SLC25A48: variants seen among roughly 807,000 people sequenced by gnomAD.
The protein encoded by SLC25A48 is CTC-321K16.1.
Under a neutral mutation model 32.2 loss-of-function variants are expected in SLC25A48, and 29 were observed. The ratio of observed to expected loss-of-function variants is 0.90; its 90% confidence interval spans 0.67 to 1.23. The LOEUF is 1.23. SLC25A48 is among the 50% of genes most tolerant of loss of function. The pLI, the probability that SLC25A48 is intolerant of heterozygous loss-of-function variation, is 0.00. For synonymous variants in SLC25A48, 164 were observed against 172.3 expected, an observed-to-expected ratio of 0.95 and a Z score of 0.38; for missense variants, 399 against 422.7, an observed-to-expected ratio of 0.94 and a Z score of 0.49.
At chr5:135,829,830 G>T (rs1300461518), upstream of SLC25A48, among the ~76,000 whole-genome samples, 5 of 152,018 alleles carry the variant, frequency 3.3e-5, no homozygotes, top group African/African-American at 1.2e-4. Context: ...ACTGACTGCT[G>T]TGTGGCTTTA....
intron 3 of SLC25A48, among the ~76,000 whole-genome samples, chr5:135,681,539 C>T (rs576857356): frequency 9.2e-5 from 14 of 152,166 alleles, no homozygotes; most frequent in African/African-American, 3.1e-4. Flanking sequence ...TGTATTATTT[C>T]TGTGTGTTTC....
intron 3 of SLC25A48, among the ~76,000 whole-genome samples, chr5:135,689,190 C>T (rs1754087628): frequency 1.3e-5 from 2 of 152,202 alleles, no homozygotes; most frequent in South Asian, 4.1e-4. Context: ...CAGCAAGGAA[C>T]TGGGTGCCTC....
chr5:135,787,575 G>A (rs1312349746), intron 3 of SLC25A48, among the ~76,000 whole-genome samples: 4 of 152,002 alleles, frequency 2.6e-5, no homozygotes, highest in Non-Finnish European at 5.9e-5. Flanking sequence ...TGTACACCCT[G>A]TAATATTAAT....
Position 135,779,172 on chromosome 5 carries a change from T to G in SLC25A48, c.-520-33351T>G, listed in dbSNP as rs1756656637. Reference sequence around the variant, plus strand: ...CCCCTCTGTGATATTGTTCCTAATATCCAGAGCATGAGAGGATGATATTAC... The same window carrying G: ...CCCCTCTGTGATATTGTTCCTAATAGCCAGAGCATGAGAGGATGATATTAC... On this transcript the variant is annotated intron_variant, in intron 3 of 10. Transcript: ENST00000646290. Among the ~76,000 whole-genome samples the G allele has an allele frequency of 4.6e-5, 7 of 151,958 alleles. No homozygotes were observed. The South Asian group carries it at 1.5e-3, about 32-fold the overall frequency.
chr5:135,703,874 C>T (rs17168925), intron 3 of SLC25A48, among the ~76,000 whole-genome samples: 3,690 of 152,302 alleles, frequency 0.024, 152 homozygotes, highest in African/African-American at 0.083. Context: ...CCTTTTTCTG[C>T]GTACTGTGCC....
At chr5:135,871,893 A>C (rs758834748) in intron 5 of SLC25A48, 175 bp downstream of exon 5, 1 of 1,493,758 alleles carries the variant, frequency 6.7e-7, no homozygotes, top group South Asian at 1.4e-5. Context: ...CCTCAGTCTC[A>C]TCCCTTCCCT....
At chr5:135,823,318 G>A (rs35798467) in intron 4 of SLC25A48, among the ~76,000 whole-genome samples, 20,511 of 152,204 alleles carry the variant, frequency 0.13, 1,719 homozygotes, top group East Asian at 0.43. Flanking sequence ...GTCAATGTGG[G>A]AATGAGCTGG....
chr5:135,669,502 C>T (rs952284852), intron 3 of SLC25A48, among the ~76,000 whole-genome samples: 2 of 152,096 alleles, frequency 1.3e-5, no homozygotes, highest in African/African-American at 2.4e-5. Context: ...CTGTGGGCAA[C>T]GGGATGTCAC....
intron 3 of SLC25A48, among the ~76,000 whole-genome samples, chr5:135,777,743 G>A (rs922509805): frequency 2.0e-5 from 3 of 148,374 alleles, no homozygotes; most frequent in African/African-American, 7.5e-5. Context: ...TCCCAATACC[G>A]AATGATGTGT....
intron 3 of SLC25A48, among the ~76,000 whole-genome samples, chr5:135,761,357 G>A (rs1395946986): frequency 6.6e-6 from 1 of 152,026 alleles, no homozygotes; most frequent in East Asian, 1.9e-4. Context: ...TGTAAAGGAC[G>A]AGTTAATGGG....
chr5:135,877,617 C>T (rs1317728095), intron 6 of SLC25A48, among the ~76,000 whole-genome samples: 2 of 152,180 alleles, frequency 1.3e-5, no homozygotes, highest in Non-Finnish European at 2.9e-5. Flanking sequence ...CTGGGCGAAG[C>T]GCTCGCAGGT....
intron 4 of SLC25A48, among the ~76,000 whole-genome samples, chr5:135,867,324 G>C (rs1761282471): frequency 6.6e-6 from 1 of 152,138 alleles, no homozygotes; most frequent in Non-Finnish European, 1.5e-5. Flanking sequence ...CAAAGGACTT[G>C]CAAGTCCAGA....
chr5:135,829,613 G>T (rs1403569160), intron 4 of SLC25A48, among the ~76,000 whole-genome samples: 1 of 150,180 alleles, frequency 6.7e-6, no homozygotes, highest in Admixed American at 6.7e-5. Context: ...CTATGAATAT[G>T]GCACAGTTGG....
chr5:135,639,517 G>T (rs1752784443), intron 3 of SLC25A48, among the ~76,000 whole-genome samples: 1 of 152,208 alleles, frequency 6.6e-6, no homozygotes, highest in African/African-American at 2.4e-5. Context: ...TGCAGTGTTT[G>T]TGTATAGGCG....
At chr5:135,655,230 T>C (rs1461938914) in intron 3 of SLC25A48, among the ~76,000 whole-genome samples, 1 of 152,198 alleles carries the variant, frequency 6.6e-6, no homozygotes, top group Non-Finnish European at 1.5e-5. Flanking sequence ...GAGTGCTTGC[T>C]GCAGGTGAGA....
intron 3 of SLC25A48, among the ~76,000 whole-genome samples, chr5:135,757,487 A>G (rs1346079488): frequency 6.8e-6 from 1 of 147,570 alleles, no homozygotes; most frequent in African/African-American, 2.5e-5. Flanking sequence ...ATAAAATATC[A>G]TCTATATGAT....
intron 3 of SLC25A48, among the ~76,000 whole-genome samples, chr5:135,775,252 C>T (rs1470328545): frequency 1.3e-5 from 2 of 151,618 alleles, no homozygotes; most frequent in Non-Finnish European, 2.9e-5. Context: ...GATATTACTC[C>T]CAATATCGCA....
intron 4 of SLC25A48, chr5:135,824,531 C>A (rs1007287600): frequency 6.6e-6 from 1 of 152,312 alleles, no homozygotes; most frequent in Admixed American, 6.5e-5. Context: ...CCCTAAGCTC[C>A]CTCCACCTTT....
chr5:135,832,820 G>A (rs1758256726), upstream of SLC25A48, among the ~76,000 whole-genome samples: 1 of 152,198 alleles, frequency 6.6e-6, no homozygotes, highest in African/African-American at 2.4e-5. Context: ...GGTCATCATT[G>A]GGGAAGGAAC....
Sources: gnomAD v4.1 joint callset for allele counts (sites outside exome capture counted in the v4.1 genomes callset) on GRCh38, gnomAD v4.1.1 for gene constraint, MANE v1.5 for transcripts, NCBI Gene and HGNC (gene_info 2026-07-23, HGNC 2026-07-21) for gene names.